Variants in GPC5 observed in about 807,000 individuals in gnomAD.
GPC5 encodes the protein glypican 5, also known as glypican-5.
Under a neutral mutation model 53.9 loss-of-function variants are expected in GPC5, and 47 were observed. That is an observed-to-expected ratio of 0.87 (90% CI 0.69 to 1.11). GPC5 has a LOEUF of 1.11. Ranked by LOEUF, GPC5 falls within the 50% of genes most tolerant of loss-of-function variation. The probability of loss-of-function intolerance (pLI) is 0.00; values close to 1 mark genes in which losing one functional copy is unlikely to be tolerated. For missense variants in GPC5, 748 were observed against 713.1 expected (o/e 1.05, Z -0.56); for synonymous variants, 286 against 263.3 (o/e 1.09, Z -0.84).
chr13:92,422,790 A>G (rs1333994607), intron 7 of GPC5, among the ~76,000 whole-genome samples: 1 of 152,234 alleles, frequency 6.6e-6, no homozygotes, highest in Non-Finnish European at 1.5e-5. Context: ...ACCAAAAGAT[A>G]TATTTTATAC....
intron 6 of GPC5, among the ~76,000 whole-genome samples, chr13:91,929,596 A>T (rs2039801622): frequency 6.6e-6 from 1 of 151,986 alleles, no homozygotes; most frequent in Admixed American, 6.6e-5. Context: ...CTTCATTTGA[A>T]ATTTTTCACT....
Position 91,675,960 on chromosome 13 carries a change from G to A in GPC5, c.326-17227G>A, listed in dbSNP as rs191736783. Among the ~76,000 whole-genome samples the A allele has an allele frequency of 9.2e-5, 14 of 152,330 alleles. No individual in the cohort carries two copies. The East Asian group carries it at 2.7e-3, about 29-fold the overall frequency. On this transcript the variant is annotated intron_variant, in intron 2 of 7. Coordinates refer to ENST00000377067, the MANE Select transcript of GPC5 (RefSeq NM_004466.6). ...ATGTCAGGGTCAGGTTTTCTAATAT[G>A]TACTAAAAATGCAGATTTCTGGACT...
chr13:92,603,711 G>A (rs552165272), intron 7 of GPC5, among the ~76,000 whole-genome samples: 10 of 152,284 alleles, frequency 6.6e-5, no homozygotes, highest in African/African-American at 2.4e-4. Flanking sequence ...TCTCTCTTGT[G>A]TTACATTTGA....
intron 7 of GPC5, among the ~76,000 whole-genome samples, chr13:92,426,199 T>TTA (rs1347557869): frequency 6.6e-6 from 1 of 152,066 alleles, no homozygotes; most frequent in Non-Finnish European, 1.5e-5. Flanking sequence ...AGACCCATGA[T>TTA]TATATATCTG....
chr13:92,780,077 C>T (rs950092614), intron 7 of GPC5, among the ~76,000 whole-genome samples: 1 of 152,026 alleles, frequency 6.6e-6, no homozygotes, highest in Non-Finnish European at 1.5e-5. Flanking sequence ...GGTGTGTCTA[C>T]TAAGTGGACC....
At chr13:91,554,394 T>C (rs1566499725) in intron 2 of GPC5, among the ~76,000 whole-genome samples, 1 of 151,364 alleles carries the variant, frequency 6.6e-6, no homozygotes, top group Non-Finnish European at 1.5e-5. Flanking sequence ...GACACACACA[T>C]ACAGAGACAC....
chr13:92,244,840 C>T (rs907149869), intron 7 of GPC5, among the ~76,000 whole-genome samples: 2 of 152,044 alleles, frequency 1.3e-5, no homozygotes, highest in South Asian at 4.1e-4. Context: ...AGGATCAAGA[C>T]CATCCTGGCC....
chr13:91,404,297 G>T (rs1048529321), intron 1 of GPC5, among the ~76,000 whole-genome samples: 1 of 152,172 alleles, frequency 6.6e-6, no homozygotes, highest in Admixed American at 6.5e-5. Context: ...TAGATGAATG[G>T]TCTCTTGGTA....
chr13:91,847,617 T>G (rs2038866893), intron 5 of GPC5, among the ~76,000 whole-genome samples: 1 of 152,164 alleles, frequency 6.6e-6, no homozygotes, highest in African/African-American at 2.4e-5. Flanking sequence ...GTAATTAAGA[T>G]CAAAAGAATA....
Position 91,431,848 on chromosome 13 carries a change from A to G in GPC5, c.164-16913A>G, listed in dbSNP as rs188553330. 4.1e-4 allele frequency among the ~76,000 whole-genome samples: 63 copies of G among 152,324 alleles called. 1 individual carries two copies. Among genetic ancestry groups the G allele is most frequent in the African/African-American group, 1.5e-3 (63 of 41,570 alleles). On this transcript the variant is annotated intron_variant, in intron 1 of 7. Transcript: ENST00000377067. ...AATAATTTTGGTCTGAGCTACATTT[A>G]TCGTTGAAGGTTTCTTTCCATCTCA...
chr13:91,417,737 T>A (rs1424446138), intron 1 of GPC5, among the ~76,000 whole-genome samples: 1 of 152,190 alleles, frequency 6.6e-6, no homozygotes, highest in South Asian at 2.1e-4. Flanking sequence ...GTTCTTGTTA[T>A]AAGCATATAT....
At chr13:92,662,608 CT>C (rs1313856778) in intron 7 of GPC5, among the ~76,000 whole-genome samples, 1 of 152,114 alleles carries the variant, frequency 6.6e-6, no homozygotes, top group Non-Finnish European at 1.5e-5. Flanking sequence ...TGATTTTTTC[CT>C]TTGGATAACT....
intron 6 of GPC5, among the ~76,000 whole-genome samples, chr13:92,091,219 A>AAAT (rs895726312): frequency 6.6e-6 from 1 of 152,210 alleles, no homozygotes; most frequent in Non-Finnish European, 1.5e-5. Context: ...AAACTAATGC[A>AAAT]AATAATAATA....
chr13:92,650,299 T>C (rs1306620690), intron 7 of GPC5, among the ~76,000 whole-genome samples: 1 of 152,124 alleles, frequency 6.6e-6, no homozygotes, highest in African/African-American at 2.4e-5. Context: ...CATTTTCCAT[T>C]TGATATCTTA....
intron 7 of GPC5, among the ~76,000 whole-genome samples, chr13:92,292,669 T>C (rs907234018): frequency 3.3e-5 from 5 of 152,232 alleles, no homozygotes; most frequent in Admixed American, 6.5e-5. Context: ...CTCTTTAGTT[T>C]AATTAAGTCT....
chr13:92,590,060 G>GA (rs1883666448), intron 7 of GPC5, among the ~76,000 whole-genome samples: 1 of 152,160 alleles, frequency 6.6e-6, no homozygotes, highest in African/African-American at 2.4e-5. Flanking sequence ...ATAGCAAGAA[G>GA]AGAGAGAGAA....
intron 6 of GPC5, among the ~76,000 whole-genome samples, chr13:92,037,805 A>T (rs1209887571): frequency 6.6e-6 from 1 of 152,154 alleles, no homozygotes; most frequent in Non-Finnish European, 1.5e-5. Context: ...AGAAACCCTC[A>T]TTTGCTTATA....
intron 6 of GPC5, among the ~76,000 whole-genome samples, chr13:92,139,559 T>G (rs1006611228): frequency 6.6e-6 from 1 of 150,400 alleles, no homozygotes; most frequent in East Asian, 2.0e-4. Context: ...CCCAGCTACT[T>G]GGGAGGCTTA....
At chr13:92,003,746 A>C (rs975055088) in intron 6 of GPC5, among the ~76,000 whole-genome samples, 1 of 152,222 alleles carries the variant, frequency 6.6e-6, no homozygotes, top group Non-Finnish European at 1.5e-5. Context: ...ATAAAAATAA[A>C]GAAATAACAG....
Sources: gnomAD v4.1 joint callset for allele counts (sites outside exome capture counted in the v4.1 genomes callset) on GRCh38, gnomAD v4.1.1 for gene constraint, MANE v1.5 for transcripts, NCBI Gene and HGNC (gene_info 2026-07-23, HGNC 2026-07-21) for gene names.